CADM2: variants seen among roughly 807,000 people sequenced by gnomAD.
CADM2 encodes the protein cell adhesion molecule 2.
In CADM2, 12 loss-of-function variants were observed where a neutral mutation model predicts 49.8. The observed-to-expected ratio is 0.24, with a 90% confidence interval of 0.15 to 0.39. CADM2 has a LOEUF of 0.39. Ranked by LOEUF, CADM2 falls within the 10% of genes least tolerant of loss-of-function variation. CADM2 has a pLI of 1.00. For missense variants in CADM2, 378 were observed against 492.3 expected (o/e 0.77, Z 2.20); for synonymous variants, 214 against 175.4 (o/e 1.22, Z -1.74).
chr3:85,519,422 A>G (rs2060980466), intron 1 of CADM2, among the ~76,000 whole-genome samples: 1 of 152,160 alleles, frequency 6.6e-6, no homozygotes, highest in Non-Finnish European at 1.5e-5. Flanking sequence ...ACTCAATTAT[A>G]TCGTTATAGC....
chr3:85,388,681 A>C (rs2034368393), intron 1 of CADM2, among the ~76,000 whole-genome samples: 1 of 152,152 alleles, frequency 6.6e-6, no homozygotes. Context: ...TTAATGTTTT[A>C]GCTAGTCCAG....
chr3:85,746,452 A>C (rs1213995640), intron 2 of CADM2, among the ~76,000 whole-genome samples: 2 of 152,204 alleles, frequency 1.3e-5, no homozygotes, highest in African/African-American at 4.8e-5. Flanking sequence ...TTCTAAGCAC[A>C]AAAACAAGTG....
At chr3:86,014,692 C>A (rs2106945453) in intron 8 of CADM2, 1 of 1,536,756 alleles carries the variant, frequency 6.5e-7, no homozygotes, top group Admixed American at 1.9e-5. Context: ...AAATTCAATA[C>A]ACCGGAGGAA....
chr3:85,006,070 T>A (rs185039318), intron 1 of CADM2, among the ~76,000 whole-genome samples: 39 of 152,214 alleles, frequency 2.6e-4, no homozygotes, highest in African/African-American at 8.9e-4. Flanking sequence ...CTTTTAAGGC[T>A]TTACTGTACA....
At position 85,636,511 on chromosome 3, in the gene CADM2, T is replaced by G. The variant is rs965885948; in HGVS notation, c.62-90011T>G. Among the ~76,000 whole-genome samples the G allele has an allele frequency of 3.9e-5, 6 of 152,274 alleles. No homozygotes were observed. In the South Asian group the frequency reaches 1.0e-3, roughly 26 times the overall value. On this transcript the variant is annotated intron_variant, in intron 1 of 9. Coordinates refer to ENST00000383699, the MANE Select transcript of CADM2 (RefSeq NM_001167675.2). Reference sequence around the variant, plus strand: ...TTTACAGTAACCTAAGGCTAATTTATTTTTAAAGATAGAAAATTTAAAAAA... The same window carrying G: ...TTTACAGTAACCTAAGGCTAATTTAGTTTTAAAGATAGAAAATTTAAAAAA...
At chr3:85,227,603 T>C (rs1178784899) in intron 1 of CADM2, among the ~76,000 whole-genome samples, 1 of 152,270 alleles carries the variant, frequency 6.6e-6, no homozygotes, top group East Asian at 1.9e-4. Flanking sequence ...TGCCATTCTG[T>C]GTCTTTTAAT....
intron 5 of CADM2, 78 bp downstream of exon 5, chr3:85,886,405 T>A: frequency 9.0e-7 from 1 of 1,108,094 alleles, no homozygotes; most frequent in Non-Finnish European, 1.3e-6. Context: ...CATTTTACAT[T>A]ATTTTTCAAA....
intron 1 of CADM2, among the ~76,000 whole-genome samples, chr3:85,108,849 G>A (rs954738634): frequency 2.0e-5 from 3 of 152,006 alleles, no homozygotes; most frequent in African/African-American, 7.2e-5. Flanking sequence ...TGATTAGGAT[G>A]TATCTTCAGA....
chr3:85,976,644 T>G (rs1042155640), intron 8 of CADM2, among the ~76,000 whole-genome samples: 1 of 151,596 alleles, frequency 6.6e-6, no homozygotes, highest in African/African-American at 2.4e-5. Flanking sequence ...GTTAAAAACA[T>G]GTAACAGTAA....
chr3:85,609,894 T>G (rs2063631578), intron 1 of CADM2, among the ~76,000 whole-genome samples: 1 of 152,016 alleles, frequency 6.6e-6, no homozygotes, highest in Admixed American at 6.6e-5. Context: ...GCAGTAATCA[T>G]AGAGGAAGAA....
At chr3:85,557,452 C>T (rs2061988598) in intron 1 of CADM2, among the ~76,000 whole-genome samples, 1 of 149,062 alleles carries the variant, frequency 6.7e-6, no homozygotes, top group South Asian at 2.1e-4. Context: ...TGATTTTCTT[C>T]CTTTAAGTCT....
chr3:85,694,909 A>G (rs763929929), intron 1 of CADM2, among the ~76,000 whole-genome samples: 1 of 152,148 alleles, frequency 6.6e-6, no homozygotes, highest in African/African-American at 2.4e-5. Flanking sequence ...AGCCTTGGCA[A>G]CACAGTGAGA....
chr3:85,759,953 C>A (rs1323157626), intron 2 of CADM2, among the ~76,000 whole-genome samples: 1 of 152,072 alleles, frequency 6.6e-6, no homozygotes, highest in Non-Finnish European at 1.5e-5. Flanking sequence ...ATAAATTTAT[C>A]ATGGTAAACA....
intron 1 of CADM2, among the ~76,000 whole-genome samples, chr3:85,562,802 A>G (rs920571585): frequency 2.0e-5 from 3 of 152,024 alleles, no homozygotes; most frequent in African/African-American, 7.2e-5. Flanking sequence ...TACCTGACCC[A>G]TTTTAGAGAT....
At chr3:85,780,065 C>T (rs1327138479) in intron 2 of CADM2, among the ~76,000 whole-genome samples, 1 of 152,068 alleles carries the variant, frequency 6.6e-6, no homozygotes, top group Non-Finnish European at 1.5e-5. Flanking sequence ...ATAATAATTT[C>T]AGAATAAAGA....
intron 1 of CADM2, among the ~76,000 whole-genome samples, chr3:85,393,140 G>A (rs2034603488): frequency 1.3e-5 from 2 of 149,946 alleles, no homozygotes; most frequent in South Asian, 4.2e-4. Context: ...ATAGTTGTAA[G>A]AAAGACAATA....
intron 1 of CADM2, among the ~76,000 whole-genome samples, chr3:85,555,599 C>A (rs1387451171): frequency 6.6e-6 from 1 of 151,824 alleles, no homozygotes; most frequent in East Asian, 1.9e-4. Context: ...TTACCCTAAG[C>A]CTAAATTATA....
At chr3:85,489,680 C>T (rs551903196) in intron 1 of CADM2, among the ~76,000 whole-genome samples, 7 of 137,824 alleles carry the variant, frequency 5.1e-5, no homozygotes, top group South Asian at 2.3e-4. Flanking sequence ...TCAAACAAAA[C>T]GAAACAAAAA....
chr3:85,875,373 C>G lies in CADM2; in HGVS notation c.239-7918C>G, dbSNP rs558018141. 8.5e-5 allele frequency among the ~76,000 whole-genome samples: 13 copies of G among 152,120 alleles called. No individual in the cohort carries two copies. The South Asian group carries it at 2.7e-3, about 32-fold the overall frequency. Reference sequence around the variant, plus strand: ...ATAAGAATAAGAGTCTTCATCTTGCCTCTTTTGCAATATCTAATGGCATAT... The same window carrying G: ...ATAAGAATAAGAGTCTTCATCTTGCGTCTTTTGCAATATCTAATGGCATAT... On this transcript the variant is annotated intron_variant, in intron 3 of 9. Transcript: ENST00000383699.
Sources: allele counts gnomAD v4.1 joint callset (sites outside exome capture counted in the v4.1 genomes callset), GRCh38; gene constraint gnomAD v4.1.1; transcripts MANE v1.5; gene names NCBI Gene and HGNC (gene_info 2026-07-23, HGNC 2026-07-21).